MS4A1: variants seen among roughly 807,000 people sequenced by gnomAD.
MS4A1 encodes membrane spanning 4-domains A1, also known as B-lymphocyte antigen CD20.
MS4A1 carries 16 observed loss-of-function variants against 26.5 expected under a neutral mutation model. That is an observed-to-expected ratio of 0.60 (90% CI 0.41 to 0.92). The LOEUF is 0.92. Ranked by LOEUF, MS4A1 falls within the 40% of genes least tolerant of loss-of-function variation. The pLI is 0.00. For missense variants in MS4A1, 350 were observed against 353.0 expected (o/e 0.99, Z 0.07); for synonymous variants, 128 against 117.6 (o/e 1.09, Z -0.57).
At chr11:60,463,860 C>T (rs1031221272) in intron 4 of MS4A1, 4 of 442,264 alleles carry the variant, frequency 9.0e-6, no homozygotes, top group Admixed American at 7.1e-5. Context: ...TCAAGTATTT[C>T]CTTCTGCATC....
At chr11:60,459,466 T>A (rs2086230541) in intron 1 of MS4A1, among the ~76,000 whole-genome samples, 1 of 152,206 alleles carries the variant, frequency 6.6e-6, no homozygotes, top group Non-Finnish European at 1.5e-5. Flanking sequence ...GTGAGTGCCT[T>A]CTAGCTTGGC....
chr11:60,459,915 C>T (rs2086234377), intron 1 of MS4A1, among the ~76,000 whole-genome samples: 1 of 152,082 alleles, frequency 6.6e-6, no homozygotes, highest in Non-Finnish European at 1.5e-5. Flanking sequence ...AGCCTGGTAC[C>T]CTGGATGCCT....
intron 5 of MS4A1, 169 bp from the exon 6 acceptor site, chr11:60,465,752 A>C (rs368164734): frequency 1.8e-4 from 113 of 629,656 alleles, no homozygotes; most frequent in Middle Eastern, 8.7e-4. Flanking sequence ...GGATAGAGAC[A>C]TGATTTTATT....
At chr11:60,458,341 T>C (rs986687873) in intron 1 of MS4A1, 7 of 152,226 alleles carry the variant, frequency 4.6e-5, no homozygotes, top group Non-Finnish European at 1.0e-4. Flanking sequence ...CAGTACATGA[T>C]GGTACGAGTG....
At chr11:60,463,996 G>T (rs2135199408) in intron 4 of MS4A1, 1 of 494,024 alleles carries the variant, frequency 2.0e-6, no homozygotes, top group East Asian at 3.6e-5. Context: ...AGTATTAATT[G>T]ATGAGGAAAT....
At position 60,458,440 on chromosome 11, in the gene MS4A1, T is replaced by TA. The variant is rs544063278; in HGVS notation, c.-280+2502dup. 1.1e-3 allele frequency among the ~76,000 whole-genome samples: 165 copies of TA among 152,224 alleles called. 1 individual carries two copies. The highest frequency in any genetic ancestry group is 3.8e-3 in the African/African-American group (156 of 41,552). ...ATGAAAACAGGGGTGCCTTTAAAAA[T>TA]AAAAAAATATTTGCAGGAGTTAGTG... On this transcript the variant is annotated intron_variant, in intron 1 of 7. Transcript: ENST00000345732.
At chr11:60,456,323 G>C (rs895402437) in intron 1 of MS4A1, among the ~76,000 whole-genome samples, 2 of 152,100 alleles carry the variant, frequency 1.3e-5, no homozygotes, top group African/African-American at 4.8e-5. Flanking sequence ...CTATAAAATG[G>C]GGGCAATGGT....
intron 1 of MS4A1, among the ~76,000 whole-genome samples, chr11:60,456,718 G>A (rs1459692671): frequency 6.6e-6 from 1 of 152,166 alleles, no homozygotes; most frequent in East Asian, 1.9e-4. Context: ...CCATAAAATG[G>A]CTTAATCTCA....
intron 1 of MS4A1, among the ~76,000 whole-genome samples, chr11:60,458,464 T>A (rs1196253065): frequency 6.6e-6 from 1 of 152,128 alleles, no homozygotes; most frequent in East Asian, 1.9e-4. Context: ...CAGGAGTTAG[T>A]GTGAGTAATT....
chr11:60,464,277 CT>C lies in MS4A1; in HGVS notation c.280-5del. 2 of 1,531,102 alleles carry C rather than the reference CT, an allele frequency of 1.3e-6. No homozygotes were observed. Among genetic ancestry groups the C allele is most frequent in the South Asian group, 1.1e-5 (1 of 89,932 alleles). The allele number at this position is 1,531,102 out of a possible 1,614,324, so 94.8% of individuals were successfully genotyped here. On this transcript the variant is annotated splice_polypyrimidine_tract_variant and intron_variant, in intron 4 of 7. Transcript: ENST00000345732. ...CCCCCTCTCCATCTCCCCCACCTCT[CT>C]TTTTTACAGTATATTATTTCCGGAT... is the stretch of plus-strand genomic sequence containing the variant.
chr11:60,465,983 T>C lies in MS4A1; in HGVS notation c.399T>C (p.Leu133=). The change falls in exon 6 of 8, where the codon CTT becomes CTC. Residue 133 remains leucine, a synonymous_variant. Transcript: ENST00000345732. The stretch of plus-strand genomic sequence containing the variant: ...TTGCTGCCATTTCTGGAATGATTCT[T>C]TCAATCATGGACATACTTAATATTA... ...SLFAAISGMI[L]SIMDILNIKI... is the part of the protein sequence containing the mutation. 6.2e-7 allele frequency: 1 copy of C among 1,613,970 alleles called. No individual in the cohort carries two copies. The highest frequency in any genetic ancestry group is 8.5e-7 in the Non-Finnish European group (1 of 1,179,896).
rs1207530353 is a variant in MS4A1 at position 60,462,274 on chromosome 11, G to A, written c.-101G>A. On this transcript the variant is annotated 5_prime_UTR_variant, in exon 3 of 8. Transcript: ENST00000345732. Reference sequence around the variant, plus strand: ...GACACTCATGGAGGAAATGCTGAGAGAAGCATTCAGATGCATGACACAAGG... The same window carrying A: ...GACACTCATGGAGGAAATGCTGAGAAAAGCATTCAGATGCATGACACAAGG... The A allele has an allele frequency of 1.6e-6, 2 of 1,252,186 alleles. No homozygotes were observed. Among genetic ancestry groups the A allele is most frequent in the East Asian group, 4.7e-5 (2 of 42,590 alleles). 77.6% of individuals were successfully genotyped at this position (1,252,186 alleles called of 1,614,324 possible). A position where few individuals can be genotyped will look rare whatever the true frequency, so the allele number is the denominator to read the frequency against.
At chr11:60,464,116 C>A in intron 4 of MS4A1, 172 bp from the exon 5 acceptor site, 1 of 622,216 alleles carries the variant, frequency 1.6e-6, no homozygotes. Context: ...AGGAATATGA[C>A]AGCTGAAAAA....
chr11:60,467,825 G>T (rs963565992), intron 7 of MS4A1, among the ~76,000 whole-genome samples: 1 of 152,078 alleles, frequency 6.6e-6, no homozygotes, highest in African/African-American at 2.4e-5. Flanking sequence ...ATTACTAACT[G>T]CTTCAGAACC....
chr11:60,459,188 A>G (rs1316997290), intron 1 of MS4A1, among the ~76,000 whole-genome samples: 1 of 152,242 alleles, frequency 6.6e-6, no homozygotes, highest in African/African-American at 2.4e-5. Context: ...ATTTTAAGTT[A>G]TCTTCACTAA....
rs2086261115 is a variant in MS4A1 at position 60,463,023 on chromosome 11, C to T, written c.181C>T (p.Leu61Phe). ...CCAGGCTGTCCAGATTATGAATGGGCTCTTCCACATTGCCCTGGGGGGTCT... is the reference window on the plus strand; with the variant it reads ...CCAGGCTGTCCAGATTATGAATGGGTTCTTCCACATTGCCCTGGGGGGTCT... ...TLGAVQIMNGLFHIALGGLLM... is the reference protein window; with the variant it reads ...TLGAVQIMNGFFHIALGGLLM... The change falls in exon 4 of 8, where the codon CTC becomes TTC. Residue 61 changes from leucine to phenylalanine, a missense_variant. Physicochemically the swap from Leu to Phe is conservative, Grantham distance 22. Coordinates refer to ENST00000345732, the MANE Select transcript of MS4A1 (RefSeq NM_152866.3). The T allele has an allele frequency of 1.9e-6, 3 of 1,614,072 alleles. No homozygotes were observed. The highest frequency in any genetic ancestry group is 1.1e-5 in the South Asian group (1 of 91,080).
chr11:60,462,641 C>G lies in MS4A1; in HGVS notation c.159+108C>G, dbSNP rs2086258127. ...CAATCCAATTTGAAGAATTGGGATC[C>G]AACCTGATGTCTTCTTTATGTCTAA... On this transcript the variant is annotated intron_variant, in intron 3 of 7. Coordinates refer to ENST00000345732, the MANE Select transcript of MS4A1 (RefSeq NM_152866.3). The G allele has an allele frequency of 2.1e-6, 3 of 1,426,326 alleles. No individual in the cohort carries two copies. The South Asian group carries it at 3.5e-5, about 17-fold the overall frequency. 88.4% of individuals were successfully genotyped at this position (1,426,326 alleles called of 1,614,324 possible).
rs199815651 is a variant in MS4A1, at chr11:60,468,393, A to G, written c.819A>G (p.Glu273=). 3.2e-5 allele frequency: 51 copies of G among 1,614,192 alleles called. No individual in the cohort carries two copies. The South Asian group carries it at 4.8e-4, about 15-fold the overall frequency. ...EIIPIQEEEE[E]ETETNFPEPP... is the part of the protein sequence containing the mutation. ...TTCCAATCCAAGAAGAGGAAGAAGA[A>G]GAAACAGAGACGAACTTTCCAGAAC... Residue 273 remains glutamate (E), a synonymous_variant, in exon 8 of 8, where the codon GAA becomes GAG. Transcript: ENST00000345732.
At position 60,462,519 on chromosome 11, in the gene MS4A1, T is replaced by C; in HGVS notation, c.145T>C (p.Ser49Pro). ...GPTQSFFMRE[S>P]KTLGAVQIMN... ...CACGCAAAGCTTCTTCATGAGGGAA[T>C]CTAAGACTTTGGGGGTAAGTCAGTT... Residue 49 changes from serine (S) to proline (P), a missense_variant, in exon 3 of 8, where the codon TCT becomes CCT. Physicochemically the swap from Ser to Pro is moderately conservative, Grantham distance 74. Coordinates refer to ENST00000345732, the MANE Select transcript of MS4A1 (RefSeq NM_152866.3). The C allele has an allele frequency of 1.2e-6, 2 of 1,614,174 alleles. No homozygotes were observed. The highest frequency in any genetic ancestry group is 1.7e-6 in the Non-Finnish European group (2 of 1,180,026).
Sources: allele counts gnomAD v4.1 joint callset (sites outside exome capture counted in the v4.1 genomes callset), GRCh38; gene constraint gnomAD v4.1.1; transcripts MANE v1.5; gene names NCBI Gene and HGNC (gene_info 2026-07-23, HGNC 2026-07-21).